The following APC variants were observed in gnomAD, a reference collection of about 807,000 sequenced individuals.
APC encodes adenomatous polyposis coli protein.
APC carries 72 observed loss-of-function variants against 247.0 expected under a neutral mutation model. The ratio of observed to expected loss-of-function variants is 0.29; its 90% CI spans 0.24 to 0.35. The LOEUF (loss-of-function observed/expected upper bound fraction) is 0.35. Among genes scored for constraint, APC ranks in the 10% least tolerant of loss-of-function variants. The pLI, the probability that APC is intolerant of heterozygous loss-of-function variation, is 1.00. For synonymous variants in APC, 1,254 were observed against 1,162.5 expected (o/e 1.08, Z -1.60); for missense variants, 3,400 against 3,360.7 (o/e 1.01, Z -0.29).
At chr5:112,759,029 G>T (rs897737198) in intron 2 of APC, among the ~76,000 whole-genome samples, 1 of 152,154 alleles carries the variant, frequency 6.6e-6, no homozygotes, top group African/African-American at 2.4e-5. Context: ...AGTTATTGAA[G>T]CATTTACATC....
In APC at chr5:112,756,234, C is replaced by A. The variant is rs533318532; in HGVS notation, c.135+1209C>A. Among the ~76,000 whole-genome samples the A allele has an allele frequency of 2.9e-4, 44 of 152,278 alleles. 2 individuals carry two copies. The South Asian group carries it at 9.1e-3, about 32-fold the overall frequency. ...TCAACCTTTGCTCATGTGTCCTATTCTCTTTTTCCATCCCTCTATCAATCT... is the reference window on the plus strand; with the variant it reads ...TCAACCTTTGCTCATGTGTCCTATTATCTTTTTCCATCCCTCTATCAATCT... On this transcript the variant is annotated intron_variant, in intron 2 of 15. Coordinates refer to ENST00000257430, the MANE Select transcript of APC (RefSeq NM_000038.6).
At chr5:112,777,141 G>A (rs542295004) in intron 5 of APC, among the ~76,000 whole-genome samples, 2 of 152,238 alleles carry the variant, frequency 1.3e-5, no homozygotes, top group South Asian at 4.1e-4. Context: ...TTAACTTGAA[G>A]TGATTTATTT....
intron 8 of APC, among the ~76,000 whole-genome samples, chr5:112,807,307 T>C (rs1227262423): frequency 1.3e-5 from 2 of 152,310 alleles, no homozygotes; most frequent in East Asian, 3.9e-4. Flanking sequence ...TTCTGGGTTT[T>C]TGTAATTTGT....
In APC at chr5:112,754,923, G is replaced by T. The variant is rs2149737598; in HGVS notation, c.33G>T (p.Lys11Asn). The change falls in exon 2 of 16, where the codon AAG becomes AAT. Residue 11 changes from lysine to asparagine, a missense_variant. By Grantham distance (94) the Lys-to-Asn change is moderately conservative (BLOSUM62 0). Around this residue, in one of 9 missense-constraint regions of APC, gnomAD observed 372 missense variants for 367.6 expected, o/e 1.01. Transcript: ENST00000257430. MAAASYDQLL[K>N]QVEALKMENS... is the part of the protein sequence containing the mutation. Reference sequence around the variant, plus strand: ...CAGCTTCATATGATCAGTTGTTAAAGCAAGTTGAGGCACTGAAGATGGAGA... The same window carrying T: ...CAGCTTCATATGATCAGTTGTTAAATCAAGTTGAGGCACTGAAGATGGAGA... The T allele has an allele frequency of 3.7e-6, 6 of 1,613,804 alleles. No individual in the cohort carries two copies. Among genetic ancestry groups the T allele is most frequent in the Non-Finnish European group, 5.1e-6 (6 of 1,179,764 alleles).
chr5:112,836,449 C>G (rs1414618146), intron 15 of APC, among the ~76,000 whole-genome samples: 1 of 152,124 alleles, frequency 6.6e-6, no homozygotes, highest in East Asian at 1.9e-4. Context: ...AACTACTGGA[C>G]TGCTAAGAGA....
intron 6 of APC, among the ~76,000 whole-genome samples, chr5:112,790,844 A>G (rs746001554): frequency 3.9e-5 from 6 of 152,194 alleles, no homozygotes; most frequent in Admixed American, 6.5e-5. Flanking sequence ...GTTCCGAAAT[A>G]TTTTATTGAT....
intron 1 of APC, among the ~76,000 whole-genome samples, chr5:112,716,155 A>T (rs1444969703): frequency 1.3e-5 from 2 of 151,958 alleles, no homozygotes; most frequent in Non-Finnish European, 2.9e-5. Flanking sequence ...TTCTTCGGTG[A>T]AGTTCTTGAA....
intron 1 of APC, among the ~76,000 whole-genome samples, chr5:112,717,595 ACATTT>A (rs1409000867): frequency 1.3e-5 from 2 of 152,140 alleles, no homozygotes; most frequent in African/African-American, 4.8e-5. Flanking sequence ...TTATTTCAGC[ACATTT>A]CATTGTTATT....
intron 7 of APC, among the ~76,000 whole-genome samples, chr5:112,795,029 GTT>G (rs1760050671): frequency 6.6e-6 from 1 of 152,006 alleles, no homozygotes; most frequent in South Asian, 2.1e-4. Context: ...TCATTGTTTT[GTT>G]TTTGTTTTTG....
chr5:112,780,998 A>G (rs1281108613), intron 6 of APC, 95 bp downstream of exon 6: 3 of 860,962 alleles, frequency 3.5e-6, no homozygotes, highest in East Asian at 5.4e-5. Flanking sequence ...TTTATTAAAG[A>G]CATAAGGCTG....
intron 1 of APC, among the ~76,000 whole-genome samples, chr5:112,728,210 C>T (rs1330613183): frequency 1.3e-5 from 2 of 152,232 alleles, no homozygotes; most frequent in East Asian, 1.9e-4. Context: ...TCACTGCAGC[C>T]TCCACCTCCT....
At chr5:112,804,748 C>G (rs1453771932) in intron 8 of APC, among the ~76,000 whole-genome samples, 3 of 152,108 alleles carry the variant, frequency 2.0e-5, no homozygotes, top group African/African-American at 7.2e-5. Context: ...AATCCCAACA[C>G]TTAGGGAGGC....
At chr5:112,818,786 T>G (rs899576340) in intron 9 of APC, among the ~76,000 whole-genome samples, 180 bp from the exon 10 acceptor site, 1 of 152,088 alleles carries the variant, frequency 6.6e-6, no homozygotes, top group South Asian at 2.1e-4. Flanking sequence ...TACATAGATT[T>G]TGAAATAACA....
At chr5:112,755,139 A>G in intron 2 of APC, 114 bp downstream of exon 2, 1 of 1,432,360 alleles carries the variant, frequency 7.0e-7, no homozygotes, top group South Asian at 1.3e-5. Flanking sequence ...AAGCAATAAT[A>G]TGTAAACTCT....
chr5:112,819,427 T>C, intron 10 of APC, 83 bp downstream of exon 10: 3 of 1,554,670 alleles, frequency 1.9e-6, no homozygotes, highest in Non-Finnish European at 2.7e-6. Flanking sequence ...TTAGTTAATA[T>C]GCTGTCTTTA....
chr5:112,715,687 G>C (rs190646464), intron 1 of APC, among the ~76,000 whole-genome samples: 1 of 152,090 alleles, frequency 6.6e-6, no homozygotes, highest in Non-Finnish European at 1.5e-5. Flanking sequence ...TATTTATGGG[G>C]TACATGTTAT....
chr5:112,789,884 A>G (rs563850201), intron 6 of APC, among the ~76,000 whole-genome samples: 52 of 150,762 alleles, frequency 3.4e-4, no homozygotes, highest in Non-Finnish European at 6.1e-4. Flanking sequence ...TTTTTTTGAG[A>G]CAGTCTGGCT....
chr5:112,719,918 A>T (rs970790082), intron 1 of APC, among the ~76,000 whole-genome samples: 1 of 151,986 alleles, frequency 6.6e-6, no homozygotes, highest in Non-Finnish European at 1.5e-5. Context: ...TTTAATTTAA[A>T]TTTTTTTTAC....
chr5:112,786,003 T>C (rs997616287), intron 6 of APC, among the ~76,000 whole-genome samples: 1 of 152,124 alleles, frequency 6.6e-6, no homozygotes, highest in Non-Finnish European at 1.5e-5. Context: ...ATTAGAAAAA[T>C]ACTTATAACA....
Sources: allele counts gnomAD v4.1 joint callset (sites outside exome capture counted in the v4.1 genomes callset), GRCh38; gene constraint gnomAD v4.1.1; regional missense constraint gnomAD v4.1.1; transcripts MANE v1.5; gene names NCBI Gene and HGNC (gene_info 2026-07-23, HGNC 2026-07-21).